MAPK6: variants seen among roughly 807,000 people sequenced by gnomAD.
The protein encoded by MAPK6 is ERK-3.
Under a neutral mutation model 59.3 loss-of-function variants are expected in MAPK6, and 19 were observed. That is an observed-to-expected ratio of 0.32 (90% CI 0.22 to 0.47). The LOEUF is 0.47. MAPK6 is among the 20% of genes least tolerant of loss of function. MAPK6 has a pLI of 1.00. For missense variants in MAPK6, 724 were observed against 847.9 expected, an observed-to-expected ratio of 0.85 and a Z score of 1.81; for synonymous variants, 316 against 290.3, an observed-to-expected ratio of 1.09 and a Z score of -0.90.
intron 1 of MAPK6, among the ~76,000 whole-genome samples, chr15:52,032,508 T>C (rs1379955837): frequency 6.6e-6 from 1 of 151,656 alleles, no homozygotes. Flanking sequence ...ATATTTTTAA[T>C]AGACTTTTTA....
chr15:52,023,106 CAAAAAAAAAAA>C (rs60315520), intron 1 of MAPK6, among the ~76,000 whole-genome samples: 19 of 73,662 alleles, frequency 2.6e-4, no homozygotes, highest in South Asian at 1.8e-3. Context: ...GACTCCGTCT[CAAAAAAAAAAA>C]AAAAAAAAAA....
At chr15:51,973,855 T>G (rs756701367) in intron 1 of MAPK6, among the ~76,000 whole-genome samples, 1 of 151,968 alleles carries the variant, frequency 6.6e-6, no homozygotes, top group African/African-American at 2.4e-5. Context: ...TTTCATCATG[T>G]TAGTCAGGCT....
At chr15:51,980,158 G>A (rs2057168911) in intron 1 of MAPK6, among the ~76,000 whole-genome samples, 1 of 151,346 alleles carries the variant, frequency 6.6e-6, no homozygotes, top group Non-Finnish European at 1.5e-5. Flanking sequence ...AGCCGGGCGT[G>A]GTGGCGGGCA....
intron 3 of MAPK6, among the ~76,000 whole-genome samples, chr15:52,053,883 C>G (rs747060824): frequency 1.3e-5 from 2 of 151,774 alleles, no homozygotes; most frequent in African/African-American, 2.4e-5. Flanking sequence ...ATGATCCACT[C>G]GCCTCAGCCT....
rs553333063 is a variant in MAPK6, at chr15:52,058,356, CTTTT to C, written c.701-271_701-268del. ...ATCCAGATCTCTTGAATCTCAGTTG[CTTTT>C]TTTTTCACTAGTTTGTGATAACCTT... On this transcript the variant is annotated intron_variant, in intron 3 of 5. Transcript: ENST00000261845. Among the ~76,000 whole-genome samples, 33 of 151,148 alleles carry C rather than the reference CTTTT, an allele frequency of 2.2e-4. 1 individual carries two copies. The highest frequency in any genetic ancestry group is 6.6e-4 in the Admixed American group (10 of 15,126).
In MAPK6 at chr15:52,046,301, C is replaced by G; in HGVS notation, c.-160C>G. The G allele has an allele frequency of 1.7e-6, 1 of 603,410 alleles. No individual in the cohort carries two copies. Among genetic ancestry groups the G allele is most frequent in the South Asian group, 2.1e-5 (1 of 46,544 alleles). 37.4% of individuals were successfully genotyped at this position (603,410 alleles called of 1,614,324 possible). On this transcript the variant is annotated 5_prime_UTR_variant, in exon 2 of 6. Transcript: ENST00000261845. ...TAAATCTAAGGGGAACTCGACAGGC[C>G]TGTTTGGCATATGCAATGAACATCA...
At position 52,046,754 on chromosome 15, in the gene MAPK6, T is replaced by C; in HGVS notation, c.294T>C (p.Leu98=). The C allele has an allele frequency of 6.2e-7, 1 of 1,614,184 alleles. No homozygotes were observed. Among genetic ancestry groups the C allele is most frequent in the South Asian group, 1.1e-5 (1 of 91,082 alleles). ...AATTAACAGACGATGTGGGCTCTCT[T>C]ACGGAACTGAACAGTGTTTACATTG... The part of the protein sequence containing the change: ...GSQLTDDVGS[L]TELNSVYIVQ... Residue 98 remains leucine, a synonymous_variant, in exon 2 of 6, where the codon CTT becomes CTC. Coordinates refer to ENST00000261845, the MANE Select transcript of MAPK6 (RefSeq NM_002748.4).
chr15:52,032,608 A>G (rs920989486), intron 1 of MAPK6, among the ~76,000 whole-genome samples: 1 of 152,166 alleles, frequency 6.6e-6, no homozygotes, highest in East Asian at 1.9e-4. Flanking sequence ...CTTTCATCCT[A>G]AAAGACTTCT....
chr15:51,996,546 C>T (rs548906643), intron 2 of MAPK6, among the ~76,000 whole-genome samples: 1 of 152,078 alleles, frequency 6.6e-6, no homozygotes, highest in South Asian at 2.1e-4. Context: ...CAGGCATGTG[C>T]CACCATGCCC....
intron 2 of MAPK6, among the ~76,000 whole-genome samples, chr15:51,995,654 G>T (rs987798877): frequency 2.6e-5 from 4 of 152,098 alleles, no homozygotes; most frequent in East Asian, 3.9e-4. Context: ...TAGGCCAGGC[G>T]CAGTGGCTCA....
chr15:52,023,501 A>G (rs1263524887), intron 1 of MAPK6, among the ~76,000 whole-genome samples: 1 of 152,248 alleles, frequency 6.6e-6, no homozygotes, highest in African/African-American at 2.4e-5. Context: ...TGTGAAGCTG[A>G]TGCTTTTAAG....
intron 1 of MAPK6, among the ~76,000 whole-genome samples, chr15:52,043,890 C>T (rs1049748537): frequency 1.3e-5 from 2 of 151,044 alleles, no homozygotes; most frequent in Admixed American, 6.6e-5. Context: ...ATTATCCAGC[C>T]TTACCCTCCT....
intron 5 of MAPK6, among the ~76,000 whole-genome samples, chr15:52,061,788 A>G (rs1242339937): frequency 2.0e-5 from 3 of 152,132 alleles, no homozygotes; most frequent in African/African-American, 7.2e-5. Flanking sequence ...AAAATTTAGT[A>G]ATGGTCCTTA....
intron 2 of MAPK6, among the ~76,000 whole-genome samples, chr15:51,987,197 A>C (rs1335497189): frequency 6.6e-6 from 1 of 152,224 alleles, no homozygotes; most frequent in African/African-American, 2.4e-5. Context: ...AGTCTAGATT[A>C]CTTTTATAAT....
intron 1 of MAPK6, among the ~76,000 whole-genome samples, chr15:52,022,849 G>A (rs143114754): frequency 1.3e-5 from 2 of 152,076 alleles, no homozygotes; most frequent in South Asian, 2.1e-4. Context: ...AGTGGCTAAC[G>A]CTTGTAATCC....
At chr15:52,005,329 A>G (rs2057255025) in intron 3 of MAPK6, among the ~76,000 whole-genome samples, 1 of 152,096 alleles carries the variant, frequency 6.6e-6, no homozygotes, top group Admixed American at 6.6e-5. Flanking sequence ...GTTCAAGACT[A>G]TCCTGACCAA....
intron 2 of MAPK6, among the ~76,000 whole-genome samples, chr15:51,998,401 C>T (rs1159991703): frequency 6.6e-6 from 1 of 151,526 alleles, no homozygotes; most frequent in Non-Finnish European, 1.5e-5. Context: ...GACGGATTTT[C>T]ATCATGTTGG....
At chr15:52,039,108 G>T (rs1474326860) in intron 1 of MAPK6, among the ~76,000 whole-genome samples, 1 of 152,168 alleles carries the variant, frequency 6.6e-6, no homozygotes, top group Non-Finnish European at 1.5e-5. Context: ...CACCTCCCAG[G>T]TTCAAGCGAT....
chr15:51,976,666 CGGGTGTGGTGGCTCACACCTA>C (rs2057158384), intron 1 of MAPK6, among the ~76,000 whole-genome samples: 1 of 151,614 alleles, frequency 6.6e-6, no homozygotes, highest in Non-Finnish European at 1.5e-5. Context: ...TGAAGGAGGC[CGGGTGTGGTGGCTCACACCTA>C]TAATCTCAGC....
Sources: gnomAD v4.1 joint callset for allele counts (sites outside exome capture counted in the v4.1 genomes callset) on GRCh38, gnomAD v4.1.1 for gene constraint, MANE v1.5 for transcripts, NCBI Gene and HGNC (gene_info 2026-07-23, HGNC 2026-07-21) for gene names.